The following PTGR3 variants were observed in gnomAD, a reference collection of about 807,000 sequenced individuals.
PTGR3 encodes the protein prostaglandin reductase 3, also known as zinc binding alcohol dehydrogenase domain containing 2.
the PTGR3 span, among the ~76,000 whole-genome samples, chr18:75,205,757 GAAAGAAAC>G: frequency 3.1e-5 from 4 of 127,104 alleles, no homozygotes; most frequent in African/African-American, 1.2e-4. Context: ...GAAAAAGAAA[GAAAGAAAC>G]AAAGAAGGAA....
At chr18:75,209,129 G>A in the PTGR3 span, 150 of 1,289,024 alleles carry the variant, frequency 1.2e-4, no homozygotes, top group Non-Finnish European at 1.5e-4. The surrounding 1 kb of genome is among the most constrained non-coding windows in gnomAD (Gnocchi z 4.7). Context: ...CGCTCGGCTC[G>A]GCTGTGCTCT....
At chr18:75,198,656 C>T in the PTGR3 span, 1 of 152,090 alleles carries the variant, frequency 6.6e-6, no homozygotes, top group Admixed American at 6.5e-5. Flanking sequence ...AAGTCATAAC[C>T]AAATGGTAAC....
chr18:75,200,121 G>A, the PTGR3 span: 1 of 152,174 alleles, frequency 6.6e-6, no homozygotes, highest in Non-Finnish European at 1.5e-5. Context: ...CTAAGACTTT[G>A]AAAAATAATC....
At chr18:75,204,095 G>T in the PTGR3 span, among the ~76,000 whole-genome samples, 1 of 152,242 alleles carries the variant, frequency 6.6e-6, no homozygotes, top group Admixed American at 6.5e-5. Flanking sequence ...CTCCCAGTTT[G>T]TCCCCCTGGT....
At chr18:75,205,547 T>G in the PTGR3 span, 1 of 945,788 alleles carries the variant, frequency 1.1e-6, no homozygotes, top group Non-Finnish European at 1.3e-6. Context: ...TTATATGTAC[T>G]TAAAAAGTGC....
the PTGR3 span, among the ~76,000 whole-genome samples, chr18:75,208,080 T>G: frequency 4.6e-5 from 7 of 152,062 alleles, no homozygotes; most frequent in East Asian, 7.7e-4. Flanking sequence ...TAAAGATGAG[T>G]GAGGCGGAAA....
At chr18:75,201,224 T>G in the PTGR3 span, 1 of 577,878 alleles carries the variant, frequency 1.7e-6, no homozygotes, top group Non-Finnish European at 3.0e-6. Flanking sequence ...GAAGTTTTAT[T>G]AGCACATTTT....
chr18:75,196,144 G>A, the PTGR3 span: 3 of 152,148 alleles, frequency 2.0e-5, no homozygotes, highest in East Asian at 3.9e-4. Context: ...TTTAGGTGCC[G>A]AGGATAAGAC....
At chr18:75,196,037 C>T in the PTGR3 span, 1 of 152,240 alleles carries the variant, frequency 6.6e-6, no homozygotes, top group African/African-American at 2.4e-5. Flanking sequence ...TCTAGGGCAA[C>T]CTCTCTTCTA....
At chr18:75,201,144 TAACATCTGGAACG>T in the PTGR3 span, 2 of 414,832 alleles carry the variant, frequency 4.8e-6, no homozygotes, top group South Asian at 8.7e-5. Context: ...CCTGGAACAA[TAACATCTGGAACG>T]AGACCATCCA....
chr18:75,196,632 C>CAAAAAAAA, the PTGR3 span: 63 of 72,186 alleles, frequency 8.7e-4, 1 homozygote, highest in African/African-American at 3.4e-3. Context: ...GGTCTTGTCC[C>CAAAAAAAA]AAAAAAAAAA....
chr18:75,208,850 C>G, the PTGR3 span: 3 of 1,501,188 alleles, frequency 2.0e-6, no homozygotes, highest in Non-Finnish European at 2.7e-6. Context: ...CCGGGCTCAC[C>G]GGTTCCGGAC....
chr18:75,204,774 C>A, the PTGR3 span, among the ~76,000 whole-genome samples: 3 of 152,102 alleles, frequency 2.0e-5, no homozygotes, highest in East Asian at 1.9e-4. Context: ...CGGGCGGGGG[C>A]CCCGGCAGGC....
the PTGR3 span, chr18:75,208,892 G>C: frequency 6.4e-7 from 1 of 1,560,616 alleles, no homozygotes; most frequent in Non-Finnish European, 8.6e-7. Context: ...GAGCGGCACC[G>C]GGCAGTCCCG....
the PTGR3 span, chr18:75,201,618 T>C: frequency 3.1e-6 from 5 of 1,614,200 alleles, no homozygotes; most frequent in Non-Finnish European, 4.2e-6. Flanking sequence ...TGCTTGATAC[T>C]TAGAAAGGTA....
chr18:75,203,283 TAAG>T, the PTGR3 span, among the ~76,000 whole-genome samples: 1 of 152,118 alleles, frequency 6.6e-6, no homozygotes, highest in Non-Finnish European at 1.5e-5. Context: ...AGCCATCTAC[TAAG>T]AATGTCAGAA....
At chr18:75,202,872 A>G in the PTGR3 span, among the ~76,000 whole-genome samples, 1 of 152,208 alleles carries the variant, frequency 6.6e-6, no homozygotes, top group Non-Finnish European at 1.5e-5. Context: ...GAGTAATGAC[A>G]ATGATATTAT....
chr18:75,208,491 G>A, the PTGR3 span: 2 of 1,038,060 alleles, frequency 1.9e-6, no homozygotes, highest in African/African-American at 3.4e-5. Flanking sequence ...GGAACTGTGG[G>A]TGCGCGCGGG....
At chr18:75,204,391 G>C in the PTGR3 span, among the ~76,000 whole-genome samples, 72 of 152,348 alleles carry the variant, frequency 4.7e-4, no homozygotes, top group East Asian at 6.0e-3. Context: ...AGTTTGGGAG[G>C]GGGGAGTGGG....
Sources: allele counts gnomAD v4.1 joint callset (sites outside exome capture counted in the v4.1 genomes callset), GRCh38; gene constraint gnomAD v4.1.1; non-coding constraint Gnocchi (gnomAD v3.1); transcripts MANE v1.5; gene names NCBI Gene and HGNC (gene_info 2026-07-23, HGNC 2026-07-21).